Variants in ZNF17 observed in about 807,000 individuals in gnomAD.
ZNF17 encodes zinc finger protein 17 (HPF3, KOX 10).
ZNF17 carries 4 observed loss-of-function variants against 7.7 expected under a neutral mutation model. The observed-to-expected ratio is 0.52, with a 90% confidence interval of 0.26 to 1.20. The LOEUF (loss-of-function observed/expected upper bound fraction) is 1.20, where lower values mean the gene tolerates loss of function less well. Ranked by LOEUF, ZNF17 falls within the 50% of genes most tolerant of loss-of-function variation. The pLI is 0.14. For synonymous variants in ZNF17, 249 were observed against 258.8 expected (o/e 0.96, Z 0.36); for missense variants, 738 against 799.5 (o/e 0.92, Z 0.93).
At chr19:57,418,435 G>A (rs2088825471) in intron 3 of ZNF17, among the ~76,000 whole-genome samples, 1 of 152,110 alleles carries the variant, frequency 6.6e-6, no homozygotes, top group Admixed American at 6.5e-5. Context: ...TGTGAGGACT[G>A]TGGGCTTATT....
Position 57,420,430 on chromosome 19 carries a change from C to CGTAA in ZNF17, c.944_945insGTAA (p.Gln316Ter). 6.2e-7 allele frequency: 1 copy of CGTAA among 1,613,862 alleles called. No individual in the cohort carries two copies. The highest frequency in any genetic ancestry group is 1.1e-5 in the South Asian group (1 of 91,072). On this transcript the variant is annotated stop_gained and frameshift_variant, in exon 4 of 4. Transcript: ENST00000307658. LOFTEE classifies it low-confidence loss of function (END_TRUNC). ...AGTGAATGTGGGAAGGCCTTCCTTACACAGGCTCACCTTGTTGGTCACCAG... is the reference window on the plus strand; with the variant it reads ...AGTGAATGTGGGAAGGCCTTCCTTACGTAAACAGGCTCACCTTGTTGGTCACCAG...
In ZNF17 at chr19:57,419,842, A is replaced by G; in HGVS notation, c.356A>G (p.Gln119Arg). Residue 119 changes from glutamine to arginine, a missense_variant, in exon 4 of 4, where the codon CAA becomes CGA. Around this residue, in one of 3 missense-constraint regions of ZNF17, gnomAD observed 616 missense variants for 663.9 expected, o/e 0.93. Coordinates refer to ENST00000307658, the MANE Select transcript of ZNF17 (RefSeq NM_001330617.2). ...CGTACAGCCAAGCTTTACCTGCACC[A>G]AAAGGAGCATCTTAGAGAGAAGCTC... The part of the protein sequence containing the change: ...PKRTAKLYLH[Q>R]KEHLREKLTR... 1.2e-6 allele frequency: 2 copies of G among 1,614,202 alleles called. No individual in the cohort carries two copies.
At position 57,417,899 on chromosome 19, in the gene ZNF17, A is replaced by G. The variant is rs2088821799; in HGVS notation, c.22-13A>G. ...AAAGTTGCTCACAGACTAAACTGTT[A>G]TAATTTTGGCAGGATTATATGGTTT... is the stretch of plus-strand genomic sequence containing the variant. On this transcript the variant is annotated splice_polypyrimidine_tract_variant and intron_variant, in intron 2 of 3. Transcript: ENST00000307658. 6.2e-7 allele frequency: 1 copy of G among 1,613,000 alleles called. No homozygotes were observed. The highest frequency in any genetic ancestry group is 8.5e-7 in the Non-Finnish European group (1 of 1,179,556).
chr19:57,417,048 A>T (rs952785620), intron 2 of ZNF17, among the ~76,000 whole-genome samples: 2 of 152,190 alleles, frequency 1.3e-5, no homozygotes, highest in Admixed American at 1.3e-4. Flanking sequence ...ACAGGATTTC[A>T]ATCTGTGAAC....
rs1218681710 is a variant in ZNF17, at chr19:57,420,777, C to T, written c.1291C>T (p.Leu431Phe). 2 of 1,614,070 alleles carry T rather than the reference C, an allele frequency of 1.2e-6. No individual in the cohort carries two copies. The highest frequency in any genetic ancestry group is 1.1e-5 in the South Asian group (1 of 91,070). ...CGKFFMDTSTLIIHQRVHTGE... is the reference protein window; with the variant it reads ...CGKFFMDTSTFIIHQRVHTGE... The stretch of plus-strand genomic sequence containing the variant: ...GAAGTTCTTTATGGACACTTCCACA[C>T]TCATTATTCATCAGAGAGTTCATAC... The change falls in exon 4 of 4, where the codon CTC (leucine) becomes TTC (phenylalanine). Residue 431 changes from leucine to phenylalanine, a missense_variant. By Grantham distance (22) the Leu-to-Phe change is conservative. Around this residue, in one of 3 missense-constraint regions of ZNF17, gnomAD observed 616 missense variants for 663.9 expected, o/e 0.93. Coordinates refer to ENST00000307658, the MANE Select transcript of ZNF17 (RefSeq NM_001330617.2).
chr19:57,420,501 A>G lies in ZNF17; in HGVS notation c.1015A>G (p.Lys339Glu). The stretch of plus-strand genomic sequence containing the variant: ...GCCTTATGGATGCAATGAATGTGGG[A>G]AATACTTTATGTACAGTTCAGCACT... ...ERPYGCNECG[K>E]YFMYSSALIR... Residue 339 changes from lysine (K) to glutamate (E), a missense_variant, in exon 4 of 4, where the codon AAA becomes GAA. Lys to Glu is a moderately conservative substitution (Grantham distance 56). Transcript: ENST00000307658. The G allele has an allele frequency of 1.9e-6, 3 of 1,614,204 alleles. No homozygotes were observed. Among genetic ancestry groups the G allele is most frequent in the Non-Finnish European group, 2.5e-6 (3 of 1,180,040 alleles).
At position 57,421,529 on chromosome 19, in the gene ZNF17, A is replaced by G. The variant is rs773950760; in HGVS notation, c.*48A>G. 2 of 1,531,648 alleles carry G rather than the reference A, an allele frequency of 1.3e-6. No individual in the cohort carries two copies. The highest frequency in any genetic ancestry group is 2.6e-5 in the South Asian group (2 of 76,348). The allele number at this position is 1,531,648 out of a possible 1,614,324, so 94.9% of individuals were successfully genotyped here. ...GGGGAAAGACTTCACACAGAAATCTACTCTGATTTAGCACTGGGACCTACG... is the reference window on the plus strand; with the variant it reads ...GGGGAAAGACTTCACACAGAAATCTGCTCTGATTTAGCACTGGGACCTACG... On this transcript the variant is annotated 3_prime_UTR_variant, in exon 4 of 4. Transcript: ENST00000307658.
chr19:57,413,390 G>T (rs1468050872), intron 1 of ZNF17: 1 of 560,120 alleles, frequency 1.8e-6, no homozygotes, highest in Non-Finnish European at 3.2e-6. Flanking sequence ...AGCCCTATTA[G>T]TTGGCAATCC....
In ZNF17 at chr19:57,419,876, T is replaced by G; in HGVS notation, c.390T>G (p.Ser130Arg). 6.2e-7 allele frequency: 1 copy of G among 1,614,074 alleles called. No homozygotes were observed. Among genetic ancestry groups the G allele is most frequent in the Non-Finnish European group, 8.5e-7 (1 of 1,180,006 alleles). ...ATCTTAGAGAGAAGCTCACCAGAAG[T>G]GATGAAGGGAGGCCTTCGTTTGTGA... The part of the protein sequence containing the change: ...KEHLREKLTR[S>R]DEGRPSFVND... The change falls in exon 4 of 4, where the codon AGT becomes AGG. Residue 130 changes from serine (S) to arginine (R), a missense_variant. Physicochemically the swap from Ser to Arg is moderately radical, Grantham distance 110 (BLOSUM62 -1). Around this residue, in one of 3 missense-constraint regions of ZNF17, gnomAD observed 616 missense variants for 663.9 expected, o/e 0.93. Coordinates refer to ENST00000307658, the MANE Select transcript of ZNF17 (RefSeq NM_001330617.2).
rs371324558 is a variant in ZNF17, at chr19:57,412,447, C to CTTTT, written c.-21+1041_-21+1042insTTTT. On this transcript the variant is annotated intron_variant, in intron 1 of 3. Transcript: ENST00000307658. ...CTTATTTATTTATGAATGTGTAAAA[C>CTTTT]ATTTTTTTTTTTTTTGAGACAGAGT... is the stretch of plus-strand genomic sequence containing the variant. Among the ~76,000 whole-genome samples, 3 of 115,638 alleles carry CTTTT rather than the reference C, an allele frequency of 2.6e-5. 1 individual carries two copies. Among genetic ancestry groups the CTTTT allele is most frequent in the Non-Finnish European group, 1.9e-5 (1 of 53,030 alleles). The allele number at this position is 115,638 out of a possible 152,430, so 75.9% of individuals were successfully genotyped here. A position where few individuals can be genotyped will look rare whatever the true frequency, so the allele number is the denominator to read the frequency against.
chr19:57,411,827 G>A (rs370198455), intron 1 of ZNF17, among the ~76,000 whole-genome samples: 22 of 152,230 alleles, frequency 1.4e-4, no homozygotes, highest in African/African-American at 5.3e-4. Flanking sequence ...GGCCAGAGGG[G>A]TTGCAGTAGA....
At chr19:57,412,841 A>C (rs1470332168) in intron 1 of ZNF17, among the ~76,000 whole-genome samples, 1 of 152,008 alleles carries the variant, frequency 6.6e-6, no homozygotes, top group African/African-American at 2.4e-5. Flanking sequence ...CCAATAGTTA[A>C]ATTTATTCAC....
intron 2 of ZNF17, among the ~76,000 whole-genome samples, chr19:57,415,651 G>A (rs1286030166): frequency 6.6e-6 from 1 of 152,150 alleles, no homozygotes; most frequent in African/African-American, 2.4e-5. Flanking sequence ...CACAAAGACA[G>A]ATGAGGGAGT....
chr19:57,412,456 T>G (rs1187115452), intron 1 of ZNF17, among the ~76,000 whole-genome samples: 1 of 151,366 alleles, frequency 6.6e-6, no homozygotes, highest in Admixed American at 6.6e-5. Context: ...ACATTTTTTT[T>G]TTTTTTGAGA....
intron 2 of ZNF17, among the ~76,000 whole-genome samples, chr19:57,417,187 A>C (rs1307137282): frequency 6.6e-6 from 1 of 152,130 alleles, no homozygotes; most frequent in Non-Finnish European, 1.5e-5. Context: ...ATGCCACATC[A>C]CATAAAGCCA....
At chr19:57,414,515 A>G (rs1022867900) in intron 2 of ZNF17, among the ~76,000 whole-genome samples, 32 of 149,722 alleles carry the variant, frequency 2.1e-4, no homozygotes, top group African/African-American at 7.4e-4. Flanking sequence ...TTGTATTTTT[A>G]GTAGAGACAG....
Position 57,417,893 on chromosome 19 carries a change from A to G in ZNF17, c.22-19A>G. 1 of 1,613,122 alleles carries G rather than the reference A, an allele frequency of 6.2e-7. No individual in the cohort carries two copies. Among genetic ancestry groups the G allele is most frequent in the Non-Finnish European group, 8.5e-7 (1 of 1,179,722 alleles). ...AAAAAAAAAGTTGCTCACAGACTAAACTGTTATAATTTTGGCAGGATTATA... is the reference window on the plus strand; with the variant it reads ...AAAAAAAAAGTTGCTCACAGACTAAGCTGTTATAATTTTGGCAGGATTATA... On this transcript the variant is annotated intron_variant, in intron 2 of 3. Coordinates refer to ENST00000307658, the MANE Select transcript of ZNF17 (RefSeq NM_001330617.2).
At chr19:57,412,383 G>A (rs1022100622) in intron 1 of ZNF17, among the ~76,000 whole-genome samples, 1 of 152,066 alleles carries the variant, frequency 6.6e-6, no homozygotes, top group African/African-American at 2.4e-5. Context: ...TTGCTGATGG[G>A]ACCAGTAACT....
chr19:57,420,250 A>G lies in ZNF17; in HGVS notation c.764A>G (p.Lys255Arg). ...ERPYKCSECG[K>R]AFSLKYNVVQ... ...CCTTATAAGTGTAGTGAATGTGGAA[A>G]AGCCTTCAGCCTCAAATACAATGTT... The change falls in exon 4 of 4, where the codon AAA becomes AGA. Residue 255 changes from lysine (K) to arginine (R), a missense_variant. Transcript: ENST00000307658. 6.2e-7 allele frequency: 1 copy of G among 1,614,214 alleles called. No homozygotes were observed. Among genetic ancestry groups the G allele is most frequent in the Non-Finnish European group, 8.5e-7 (1 of 1,180,020 alleles).
Sources: allele counts gnomAD v4.1 joint callset (sites outside exome capture counted in the v4.1 genomes callset), GRCh38; gene constraint gnomAD v4.1.1; regional missense constraint gnomAD v4.1.1; transcripts MANE v1.5; gene names NCBI Gene and HGNC (gene_info 2026-07-23, HGNC 2026-07-21).